CWF19L2: variants seen among roughly 807,000 people sequenced by gnomAD.
CWF19L2 encodes CWF19 like cell cycle control factor 2, also known as CWF19-like protein 2.
Under a neutral mutation model 111.7 loss-of-function variants are expected in CWF19L2, and 98 were observed. The ratio of observed to expected loss-of-function variants is 0.88; its 90% CI spans 0.75 to 1.04. The LOEUF (loss-of-function observed/expected upper bound fraction) is 1.04, where lower values mean the gene tolerates loss of function less well. Among genes scored for constraint, CWF19L2 ranks in the 50% least tolerant of loss-of-function variants. The probability of loss-of-function intolerance (pLI) is 0.00; values close to 1 mark genes in which losing one functional copy is unlikely to be tolerated. For missense variants in CWF19L2, 1,101 were observed against 1,051.4 expected, an observed-to-expected ratio of 1.05 and a Z score of -0.65; for synonymous variants, 351 against 342.9, an observed-to-expected ratio of 1.02 and a Z score of -0.26.
intron 2 of CWF19L2, 122 bp from the exon 3 acceptor site, chr11:107,454,694 C>G (rs1861829201): frequency 3.7e-6 from 2 of 543,302 alleles, no homozygotes; most frequent in Non-Finnish European, 2.8e-6. Context: ...TGAAATAAGA[C>G]CAAGAATATG....
In CWF19L2 at chr11:107,417,916, C is replaced by T. The variant is rs112564487; in HGVS notation, c.1527+278G>A. Among the ~76,000 whole-genome samples, 485 of 152,244 alleles carry T rather than the reference C, an allele frequency of 3.2e-3. 1 individual carries two copies. The highest frequency in any genetic ancestry group is 0.011 in the African/African-American group (466 of 41,546). On this transcript the variant is annotated intron_variant, in intron 9 of 17. Transcript: ENST00000282251. ...CTGGAATTACAGGCATGCGCCACCA[C>T]ACCCAGCTAATTTTTGTATTTTTAC...
chr11:107,455,613 A>G, intron 2 of CWF19L2, 53 bp downstream of exon 2: 1 of 998,964 alleles, frequency 1.0e-6, no homozygotes, highest in East Asian at 2.8e-5. Context: ...TAACTTGAAT[A>G]CGTGCAAAAA....
At chr11:107,385,153 A>G (rs1345999110) in intron 12 of CWF19L2, among the ~76,000 whole-genome samples, 4 of 152,176 alleles carry the variant, frequency 2.6e-5, no homozygotes, top group Non-Finnish European at 5.9e-5. Flanking sequence ...ATCATTAAAC[A>G]TACAAAACAA....
intron 10 of CWF19L2, chr11:107,404,727 A>G: frequency 3.3e-6 from 1 of 306,910 alleles, no homozygotes; most frequent in Middle Eastern, 1.1e-3. Context: ...GATAGGACCT[A>G]GCACAGTGTC....
At chr11:107,378,221 G>C (rs1166006344) in intron 12 of CWF19L2, among the ~76,000 whole-genome samples, 1 of 148,824 alleles carries the variant, frequency 6.7e-6, no homozygotes, top group Non-Finnish European at 1.5e-5. Context: ...ATTCCTCGGG[G>C]ATCTACAACT....
chr11:107,426,984 A>G (rs1861387154), intron 8 of CWF19L2, among the ~76,000 whole-genome samples: 1 of 151,984 alleles, frequency 6.6e-6, no homozygotes, highest in Non-Finnish European at 1.5e-5. Context: ...TATTGTTTAA[A>G]TTTTATACAT....
chr11:107,418,627 T>C (rs952216486), intron 8 of CWF19L2, among the ~76,000 whole-genome samples: 6 of 152,202 alleles, frequency 3.9e-5, no homozygotes, highest in African/African-American at 1.2e-4. Context: ...CATAATTCTA[T>C]ACATCTTTGG....
At chr11:107,357,924 GA>G (rs1404515098) in intron 12 of CWF19L2, among the ~76,000 whole-genome samples, 1 of 152,150 alleles carries the variant, frequency 6.6e-6, no homozygotes, top group Non-Finnish European at 1.5e-5. Flanking sequence ...AGGAGATAAA[GA>G]AAAGAGGAGC....
Position 107,336,723 on chromosome 11 carries a change from A to T in CWF19L2, c.2203-10T>A, listed in dbSNP as rs971029804. 8 of 1,384,800 alleles carry T rather than the reference A, an allele frequency of 5.8e-6. No individual in the cohort carries two copies. Among genetic ancestry groups the T allele is most frequent in the Non-Finnish European group, 7.8e-6 (8 of 1,027,222 alleles). The allele number at this position is 1,384,800 out of a possible 1,614,324, so 85.8% of individuals were successfully genotyped here. A position where few individuals can be genotyped will look rare whatever the true frequency, so the allele number is the denominator to read the frequency against. On this transcript the variant is annotated splice_polypyrimidine_tract_variant and intron_variant, in intron 14 of 17. Transcript: ENST00000282251. ...ATGATTTTCTGAACATCTAAAAAAA[A>T]AAAAGAACTAGGTAAAGAAAACACT...
At chr11:107,378,486 A>G (rs1860629742) in intron 12 of CWF19L2, among the ~76,000 whole-genome samples, 1 of 152,188 alleles carries the variant, frequency 6.6e-6, no homozygotes, top group South Asian at 2.1e-4. Flanking sequence ...ATGAAATTGG[A>G]AATCATCATT....
intron 8 of CWF19L2, among the ~76,000 whole-genome samples, chr11:107,421,196 C>A (rs1861298623): frequency 6.6e-6 from 1 of 151,968 alleles, no homozygotes; most frequent in Admixed American, 6.6e-5. Flanking sequence ...CTGTAAATAA[C>A]CCATGGGTCA....
At chr11:107,414,867 A>G (rs1456534898) in intron 10 of CWF19L2, among the ~76,000 whole-genome samples, 1 of 152,180 alleles carries the variant, frequency 6.6e-6, no homozygotes, top group African/African-American at 2.4e-5. Context: ...AACCATCTCC[A>G]TAGCTACTAT....
intron 3 of CWF19L2, among the ~76,000 whole-genome samples, chr11:107,443,326 C>T (rs1219540874): frequency 2.0e-5 from 3 of 151,728 alleles, no homozygotes; most frequent in Non-Finnish European, 4.4e-5. Flanking sequence ...ACTAAAAATA[C>T]AAAAAAGTTA....
At chr11:107,344,019 A>G (rs1224884209) in intron 14 of CWF19L2, among the ~76,000 whole-genome samples, 1 of 152,186 alleles carries the variant, frequency 6.6e-6, no homozygotes, top group Admixed American at 6.5e-5. Context: ...GTTCAAGACC[A>G]GCCTGGCCAA....
At chr11:107,332,784 T>G (rs1249788118) in intron 16 of CWF19L2, among the ~76,000 whole-genome samples, 1 of 152,146 alleles carries the variant, frequency 6.6e-6, no homozygotes, top group Admixed American at 6.5e-5. Flanking sequence ...TATACTTATG[T>G]ACTCTTCTCA....
intron 11 of CWF19L2, 65 bp from the exon 12 acceptor site, chr11:107,390,276 T>C: frequency 1.6e-6 from 2 of 1,248,666 alleles, no homozygotes; most frequent in Non-Finnish European, 1.1e-6. Flanking sequence ...TCTTGATGGA[T>C]TACATAAATA....
intron 16 of CWF19L2, among the ~76,000 whole-genome samples, chr11:107,330,288 C>T (rs1425035702): frequency 3.9e-5 from 6 of 151,966 alleles, no homozygotes; most frequent in South Asian, 4.1e-4. Flanking sequence ...GGAAAACCAA[C>T]GGGGGAAATT....
intron 14 of CWF19L2, among the ~76,000 whole-genome samples, chr11:107,336,917 T>C (rs1047734986): frequency 2.0e-5 from 3 of 152,208 alleles, no homozygotes; most frequent in African/African-American, 4.8e-5. Context: ...ATTTCATATA[T>C]TTAAGCAAGA....
At chr11:107,440,231 A>G (rs954089035) in intron 5 of CWF19L2, among the ~76,000 whole-genome samples, 1 of 152,208 alleles carries the variant, frequency 6.6e-6, no homozygotes, top group Non-Finnish European at 1.5e-5. Context: ...GCTTCCTACA[A>G]GAAGTAATAA....
Sources: allele counts gnomAD v4.1 joint callset (sites outside exome capture counted in the v4.1 genomes callset), GRCh38; gene constraint gnomAD v4.1.1; transcripts MANE v1.5; gene names NCBI Gene and HGNC (gene_info 2026-07-23, HGNC 2026-07-21).